The following CANX variants were observed in gnomAD, a reference collection of about 807,000 sequenced individuals.
The protein encoded by CANX is epididymis secretory sperm binding protein.
A neutral mutation model predicts 75.7 loss-of-function variants in CANX; 14 were observed. The observed-to-expected ratio is 0.19, with a 90% confidence interval of 0.12 to 0.29. The LOEUF is 0.29. Ranked by LOEUF, CANX falls within the 10% of genes least tolerant of loss-of-function variation. The probability of loss-of-function intolerance (pLI) is 1.00; values close to 1 mark genes in which losing one functional copy is unlikely to be tolerated. For missense variants in CANX, 567 were observed against 713.2 expected, an observed-to-expected ratio of 0.79 and a Z score of 2.34; for synonymous variants, 227 against 236.9, an observed-to-expected ratio of 0.96 and a Z score of 0.38.
chr5:179,717,869 C>G lies in CANX; in HGVS notation c.911+1575C>G, dbSNP rs960854124. On this transcript the variant is annotated intron_variant, in intron 8 of 14. Coordinates refer to ENST00000247461, the MANE Select transcript of CANX (RefSeq NM_001746.4). Reference sequence around the variant, plus strand: ...TAGCTGGGATCACAAGCGCATGCCACCACACCCAGCTAATTTTTGTATTTT... The same window carrying G: ...TAGCTGGGATCACAAGCGCATGCCAGCACACCCAGCTAATTTTTGTATTTT... Among the ~76,000 whole-genome samples the G allele has an allele frequency of 3.3e-5, 5 of 152,036 alleles. No homozygotes were observed. The East Asian group carries it at 9.7e-4, about 29-fold the overall frequency.
At chr5:179,698,697 G>A, upstream of CANX, 4 of 935,600 alleles carry the variant, frequency 4.3e-6, no homozygotes, top group African/African-American at 1.7e-5. Flanking sequence ...CCCGAGACGC[G>A]CGCGCCCGGC....
rs781629512 is a variant in CANX, at chr5:179,684,924, G to GTTTTT, written c.-4+6148_-4+6149insTTTTT. On this transcript the variant is annotated intron_variant, in intron 1 of 14. Transcript: ENST00000681674. ...TGTGCCACCACACCTGGCTAATTTT[G>GTTTTT]TATTTTTTTTTTTTTTTTTTTTTTT... 9.7e-4 allele frequency among the ~76,000 whole-genome samples: 28 copies of GTTTTT among 28,996 alleles called. 2 individuals carry two copies. Among genetic ancestry groups the GTTTTT allele is most frequent in the Admixed American group, 1.4e-3 (3 of 2,168 alleles). 19.0% of individuals were successfully genotyped at this position (28,996 alleles called of 152,430 possible).
chr5:179,705,917 G>A (rs1345493910), intron 2 of CANX, 65 bp downstream of exon 2: 44 of 1,400,926 alleles, frequency 3.1e-5, no homozygotes, highest in African/African-American at 4.2e-5. Flanking sequence ...GAAGATACCC[G>A]GGTGCAGGGA....
At chr5:179,687,402 C>T (rs1776209773) in intron 1 of CANX, among the ~76,000 whole-genome samples, 2 of 152,210 alleles carry the variant, frequency 1.3e-5, no homozygotes, top group African/African-American at 4.8e-5. Flanking sequence ...CGCGCCCGGC[C>T]TGTGCTCTGT....
At chr5:179,728,565 A>G in intron 14 of CANX, 26 bp from the exon 15 acceptor site, 1 of 1,376,224 alleles carries the variant, frequency 7.3e-7, no homozygotes, top group Non-Finnish European at 1.0e-6. Flanking sequence ...TGTGCTAATT[A>G]TAATGAATTT....
intron 1 of CANX, among the ~76,000 whole-genome samples, chr5:179,690,566 G>C (rs1360546529): frequency 1.4e-4 from 13 of 95,886 alleles, no homozygotes; most frequent in Non-Finnish European, 2.3e-4. Flanking sequence ...ACAAGAGTGA[G>C]ACTTCATCTC....
intron 1 of CANX, 105 bp from the exon 2 acceptor site, chr5:179,705,574 C>T: frequency 1.2e-6 from 1 of 811,158 alleles, no homozygotes; most frequent in Non-Finnish European, 2.0e-6. Context: ...TTCTTTTTAG[C>T]TCTGCGATTT....
intron 8 of CANX, among the ~76,000 whole-genome samples, chr5:179,717,930 G>C (rs1488187345): frequency 6.6e-6 from 1 of 152,042 alleles, no homozygotes; most frequent in Non-Finnish European, 1.5e-5. Context: ...TGGTCAGGCT[G>C]ATCTCGATCT....
At chr5:179,708,402 T>C in intron 5 of CANX, 22 bp downstream of exon 5, 1 of 1,605,140 alleles carries the variant, frequency 6.2e-7, no homozygotes, top group East Asian at 2.2e-5. Flanking sequence ...GCTTGTTGGA[T>C]AAAAGCTTTC....
chr5:179,709,979 G>T lies in CANX; in HGVS notation c.635G>T (p.Gly212Val). The change falls in exon 7 of 15, where the codon GGT (glycine) becomes GTT (valine). Residue 212 changes from glycine (G) to valine (V), a missense_variant. Physicochemically the swap from Gly to Val is moderately radical, Grantham distance 109. This residue lies in a region of CANX where 351 missense variants were observed against 433.8 expected (regional missense o/e 0.81). Coordinates refer to ENST00000247461, the MANE Select transcript of CANX (RefSeq NM_001746.4). ...TTCCGACACAAAAACCCCAAAACGG[G>T]TATCTATGAAGAAAAACATGCTAAG... is the stretch of plus-strand genomic sequence containing the variant. ...FIFRHKNPKT[G>V]IYEEKHAKRP... The T allele has an allele frequency of 6.2e-7, 1 of 1,613,052 alleles. No homozygotes were observed. Among genetic ancestry groups the T allele is most frequent in the South Asian group, 1.1e-5 (1 of 91,062 alleles).
At chr5:179,727,901 C>G (rs1040421826) in intron 14 of CANX, among the ~76,000 whole-genome samples, 1 of 152,142 alleles carries the variant, frequency 6.6e-6, no homozygotes, top group African/African-American at 2.4e-5. Flanking sequence ...TACTAAAGTC[C>G]TTTACCCAGC....
At chr5:179,711,097 A>C (rs1303465423) in intron 7 of CANX, among the ~76,000 whole-genome samples, 1 of 151,976 alleles carries the variant, frequency 6.6e-6, no homozygotes, top group Non-Finnish European at 1.5e-5. Flanking sequence ...TTAGTATCTT[A>C]GTTGGGAAAT....
In CANX at chr5:179,724,672, A is replaced by G. The variant is rs1778533095; in HGVS notation, c.1534A>G (p.Met512Val). The change falls in exon 13 of 15, where the codon ATG becomes GTG. Residue 512 changes from methionine to valine, a missense_variant. Physicochemically the swap from Met to Val is conservative, Grantham distance 21. Around this residue, in one of 3 missense-constraint regions of CANX, gnomAD observed 167 missense variants for 179.3 expected, o/e 0.93. Transcript: ENST00000247461. ...AACATTTCAGAAACAGACCAGTGGTATGGAGTATAAGAAAACTGATGCACC... is the reference window on the plus strand; with the variant it reads ...AACATTTCAGAAACAGACCAGTGGTGTGGAGTATAAGAAAACTGATGCACC... The part of the protein sequence containing the change: ...CCSGKKQTSG[M>V]EYKKTDAPQP... 5 of 1,613,630 alleles carry G rather than the reference A, an allele frequency of 3.1e-6. No homozygotes were observed. The South Asian group carries it at 5.5e-5, about 18-fold the overall frequency.
At chr5:179,715,988 C>A (rs539576469) in intron 7 of CANX, 117 bp from the exon 8 acceptor site, 9 of 784,138 alleles carry the variant, frequency 1.1e-5, no homozygotes, top group Admixed American at 5.9e-5. Context: ...TTGTTCTTAC[C>A]CCAAAGCCTC....
At chr5:179,725,241 C>T (rs1413398262) in intron 13 of CANX, among the ~76,000 whole-genome samples, 1 of 152,050 alleles carries the variant, frequency 6.6e-6, no homozygotes, top group Non-Finnish European at 1.5e-5. Flanking sequence ...TGGTCTGGCC[C>T]TGTTGCCCAG....
At chr5:179,680,828 AC>A in intron 1 of CANX, 2 of 1,470,790 alleles carry the variant, frequency 1.4e-6, no homozygotes, top group Non-Finnish European at 1.8e-6. Flanking sequence ...TTCATAATAC[AC>A]TTATCCCTCA....
upstream of CANX, chr5:179,694,786 CA>C (rs5873660): frequency 7.2e-3 from 2,785 of 386,808 alleles, 15 homozygotes; most frequent in African/African-American, 0.031. Context: ...GTTTATCTGT[CA>C]AAAAAAAAAA....
chr5:179,682,049 G>A (rs764991201), intron 1 of CANX, among the ~76,000 whole-genome samples: 1 of 151,540 alleles, frequency 6.6e-6, no homozygotes, highest in Non-Finnish European at 1.5e-5. Context: ...TCAGAAGCTC[G>A]AGAACTGCCT....
chr5:179,685,091 CTATT>C (rs939142870), intron 1 of CANX, among the ~76,000 whole-genome samples: 1 of 149,896 alleles, frequency 6.7e-6, no homozygotes, highest in Non-Finnish European at 1.5e-5. Context: ...ATAAATCTAT[CTATT>C]TATTTACTTA....
Sources: gnomAD v4.1 joint callset for allele counts (sites outside exome capture counted in the v4.1 genomes callset) on GRCh38, gnomAD v4.1.1 for gene constraint, gnomAD v4.1.1 regional missense constraint, MANE v1.5 for transcripts, NCBI Gene and HGNC (gene_info 2026-07-23, HGNC 2026-07-21) for gene names.